CROT: variants seen among roughly 807,000 people sequenced by gnomAD.
The protein encoded by CROT is peroxisomal carnitine O-octanoyltransferase.
A neutral mutation model predicts 89.2 loss-of-function variants in CROT; 84 were observed. The ratio of observed to expected loss-of-function variants is 0.94; its 90% CI spans 0.79 to 1.13. CROT has a LOEUF of 1.13. Ranked by LOEUF, CROT falls within the 50% of genes most tolerant of loss-of-function variation. CROT has a pLI of 0.00. For missense variants in CROT, 711 were observed against 727.8 expected, an observed-to-expected ratio of 0.98 and a Z score of 0.27; for synonymous variants, 212 against 239.5, an observed-to-expected ratio of 0.89 and a Z score of 1.06.
intron 2 of CROT, among the ~76,000 whole-genome samples, 196 bp downstream of exon 2, chr7:87,346,626 T>A (rs1296395427): frequency 6.6e-6 from 1 of 152,214 alleles, no homozygotes; most frequent in Non-Finnish European, 1.5e-5. Flanking sequence ...ATCCAATAAT[T>A]TATATTTTTA....
At chr7:87,393,952 T>G (rs1807446284) in intron 17 of CROT, among the ~76,000 whole-genome samples, 1 of 152,146 alleles carries the variant, frequency 6.6e-6, no homozygotes, top group South Asian at 2.1e-4. Flanking sequence ...AAAACTAAAG[T>G]ATTCATGAAT....
At chr7:87,393,118 T>C in intron 17 of CROT, 51 bp downstream of exon 17, 1 of 1,571,344 alleles carries the variant, frequency 6.4e-7, no homozygotes, top group Non-Finnish European at 8.6e-7. Context: ...GGAAAGGTAT[T>C]ACTTTTGTTT....
Position 87,349,137 on chromosome 7 carries a change from G to A in CROT, c.69G>A (p.Leu23=). Residue 23 remains leucine, a synonymous_variant, in exon 3 of 18, where the codon CTG becomes CTA. Transcript: ENST00000331536. The part of the protein sequence containing the change: ...TFQYQDSLPS[L]PVPSLEESLK... ...AGTACCAGGATTCTCTTCCATCACT[G>A]CCTGTTCCTTCACTTGAAGAATCAT... The A allele has an allele frequency of 5.6e-6, 9 of 1,605,118 alleles. No homozygotes were observed. Among genetic ancestry groups the A allele is most frequent in the Non-Finnish European group, 7.7e-6 (9 of 1,174,364 alleles).
chr7:87,348,564 A>C (rs1485938622), intron 2 of CROT, among the ~76,000 whole-genome samples: 1 of 152,232 alleles, frequency 6.6e-6, no homozygotes, highest in Non-Finnish European at 1.5e-5. Flanking sequence ...ACTAAGATTT[A>C]CTGCAGGTTC....
chr7:87,386,872 T>G (rs1477020738), intron 13 of CROT, among the ~76,000 whole-genome samples: 4 of 152,154 alleles, frequency 2.6e-5, no homozygotes, highest in African/African-American at 9.7e-5. Context: ...CCTTTAGGAT[T>G]TTTTTACCCT....
Position 87,361,382 on chromosome 7 carries a change from T to A in CROT, c.241-8T>A. The A allele has an allele frequency of 6.2e-7, 1 of 1,610,770 alleles. No individual in the cohort carries two copies. The highest frequency in any genetic ancestry group is 8.5e-7 in the Non-Finnish European group (1 of 1,179,066). On this transcript the variant is annotated splice_polypyrimidine_tract_variant and splice_region_variant and intron_variant, in intron 4 of 17. Transcript: ENST00000331536. ...GAACATTAAGCTGATGTTCTCAATT[T>A]CTTTTAGCTGGAAGAGTGGTGGCTG... is the stretch of plus-strand genomic sequence containing the variant.
chr7:87,363,873 A>C (rs1202395662), intron 6 of CROT, among the ~76,000 whole-genome samples: 1 of 152,166 alleles, frequency 6.6e-6, no homozygotes, highest in African/African-American at 2.4e-5. Flanking sequence ...GAGTGGTGAG[A>C]AGTTATACTC....
intron 6 of CROT, among the ~76,000 whole-genome samples, chr7:87,363,994 AG>A (rs1806361656): frequency 6.6e-6 from 1 of 152,228 alleles, no homozygotes; most frequent in African/African-American, 2.4e-5. Flanking sequence ...AGCAGCTAAC[AG>A]GGTAGGTGGG....
At chr7:87,358,552 A>C (rs115537281) in intron 3 of CROT, among the ~76,000 whole-genome samples, 1 of 152,004 alleles carries the variant, frequency 6.6e-6, no homozygotes, top group Non-Finnish European at 1.5e-5. Flanking sequence ...TTAACAGATA[A>C]TTTTATGTTA....
In CROT at chr7:87,394,748, G is replaced by A. The variant is rs548480171; in HGVS notation, c.1718+1681G>A. ...ACCTATAGACTCTACTATGATTCTA[G>A]AAAAAGCGAAGTTATTATATGACAA... On this transcript the variant is annotated intron_variant, in intron 17 of 17. Transcript: ENST00000331536. Among the ~76,000 whole-genome samples the A allele has an allele frequency of 2.0e-5, 3 of 152,126 alleles. No individual in the cohort carries two copies. The South Asian group carries it at 6.2e-4, about 32-fold the overall frequency.
At chr7:87,364,978 A>G (rs1806392641) in intron 6 of CROT, among the ~76,000 whole-genome samples, 1 of 152,194 alleles carries the variant, frequency 6.6e-6, no homozygotes, top group South Asian at 2.1e-4. Context: ...AGTGGAAAAA[A>G]CAAACATGCT....
At chr7:87,355,049 C>CT (rs1367208783) in intron 3 of CROT, among the ~76,000 whole-genome samples, 2 of 151,984 alleles carry the variant, frequency 1.3e-5, no homozygotes, top group Non-Finnish European at 2.9e-5. Flanking sequence ...ATACAAGATA[C>CT]TTTTTCATAC....
chr7:87,368,858 C>T (rs1806534348), intron 6 of CROT, among the ~76,000 whole-genome samples: 2 of 152,190 alleles, frequency 1.3e-5, no homozygotes, highest in South Asian at 4.1e-4. Context: ...TTGTCAGTGG[C>T]TTACCAGGTG....
intron 17 of CROT, among the ~76,000 whole-genome samples, chr7:87,396,827 ATT>A (rs1354427865): frequency 6.6e-6 from 1 of 152,100 alleles, no homozygotes. Context: ...CACTGTAAAT[ATT>A]TGTGTCCTTT....
rs1468600248 is a variant in CROT, at chr7:87,398,580, T to C, written c.1775T>C (p.Leu592Pro). The C allele has an allele frequency of 1.2e-6, 2 of 1,613,772 alleles. No homozygotes were observed. The highest frequency in any genetic ancestry group is 1.7e-5 in the Admixed American group (1 of 59,984). ...TGTCCCGAGACTGATGCGGAAAAGC[T>C]AGTTCAGCTGACTTTTTGTGCTTTT... ...KSCPETDAEK[L>P]VQLTFCAFHD... Residue 592 changes from leucine (L) to proline (P), a missense_variant, in exon 18 of 18, where the codon CTA becomes CCA. Physicochemically the swap from Leu to Pro is moderately conservative, Grantham distance 98. Transcript: ENST00000331536.
intron 14 of CROT, 148 bp from the exon 15 acceptor site, chr7:87,392,418 G>C (rs1048154567): frequency 3.1e-6 from 2 of 650,484 alleles, no homozygotes; most frequent in Non-Finnish European, 5.4e-6. Context: ...ATAACTGATG[G>C]AAAGATATAG....
At chr7:87,372,356 T>C (rs1247519342) in intron 7 of CROT, among the ~76,000 whole-genome samples, 1 of 152,236 alleles carries the variant, frequency 6.6e-6, no homozygotes, top group Non-Finnish European at 1.5e-5. Flanking sequence ...ATCATTTGCT[T>C]TTGTATCTTG....
rs1807682296 is a variant in CROT at position 87,399,470 on chromosome 7, G to A, written c.*826G>A. The A allele has an allele frequency of 6.6e-6, 1 of 152,140 alleles. No homozygotes were observed. Among genetic ancestry groups the A allele is most frequent in the Non-Finnish European group, 1.5e-5 (1 of 68,042 alleles). The allele number at this position is 152,140 out of a possible 1,614,324, so 9.4% of individuals were successfully genotyped here. ...AGCCTGGGCAAGAGCGTGAGACCCT[G>A]TCTCAAAGAAGAAAAAAAGAGAAAA... On this transcript the variant is annotated 3_prime_UTR_variant, in exon 18 of 18. Transcript: ENST00000331536.
At position 87,377,347 on chromosome 7, in the gene CROT, A is replaced by T; in HGVS notation, c.877-2A>T. 6.4e-7 allele frequency: 1 copy of T among 1,574,420 alleles called. No individual in the cohort carries two copies. Among genetic ancestry groups the T allele is most frequent in the Non-Finnish European group, 8.7e-7 (1 of 1,152,758 alleles). On this transcript the variant is annotated splice_acceptor_variant, in intron 9 of 17. Transcript: ENST00000331536. LOFTEE classifies it high-confidence loss of function. ...AATTTGGAAAAATTAAATTTATTTT[A>T]GATTATTGCAGCCATCCTTATTGGA...
Sources: gnomAD v4.1 joint callset for allele counts (sites outside exome capture counted in the v4.1 genomes callset) on GRCh38, gnomAD v4.1.1 for gene constraint, MANE v1.5 for transcripts, NCBI Gene and HGNC (gene_info 2026-07-23, HGNC 2026-07-21) for gene names.